Variants in LRRFIP2 observed in about 807,000 individuals in gnomAD.
LRRFIP2 encodes leucine-rich repeat flightless-interacting protein 2.
A neutral mutation model predicts 125.9 loss-of-function variants in LRRFIP2; 109 were observed. That is an observed-to-expected ratio of 0.87 (90% CI 0.74 to 1.01). The LOEUF (loss-of-function observed/expected upper bound fraction) is 1.01, where lower values mean the gene tolerates loss of function less well. Among genes scored for constraint, LRRFIP2 ranks in the 50% least tolerant of loss-of-function variants. LRRFIP2 has a pLI of 0.00. For synonymous variants in LRRFIP2, 291 were observed against 293.1 expected (o/e 0.99, Z 0.07); for missense variants, 850 against 862.3 (o/e 0.99, Z 0.18).
intron 18 of LRRFIP2, among the ~76,000 whole-genome samples, chr3:37,085,068 G>A (rs551081002): frequency 6.6e-6 from 1 of 152,258 alleles, no homozygotes; most frequent in South Asian, 2.1e-4. Context: ...AATGAAGTTG[G>A]ACTCCCACCT....
chr3:37,090,932 A>C (rs1430985562), intron 18 of LRRFIP2, among the ~76,000 whole-genome samples: 3 of 152,256 alleles, frequency 2.0e-5, no homozygotes, highest in Admixed American at 6.5e-5. Flanking sequence ...TTGGTAACAG[A>C]AATATGCAAC....
At chr3:37,120,746 T>C (rs2094993606) in intron 6 of LRRFIP2, among the ~76,000 whole-genome samples, 2 of 151,898 alleles carry the variant, frequency 1.3e-5, no homozygotes, top group South Asian at 2.1e-4. Context: ...CATACAGCAT[T>C]GTAACCAAAA....
At chr3:37,123,895 AAC>A (rs745678271) in intron 4 of LRRFIP2, among the ~76,000 whole-genome samples, 16 of 152,230 alleles carry the variant, frequency 1.1e-4, no homozygotes, top group Non-Finnish European at 1.9e-4. Context: ...TATTAATAAA[AAC>A]AATTATAAAT....
chr3:37,105,327 TATAA>T, intron 14 of LRRFIP2, 124 bp downstream of exon 14: 1 of 724,290 alleles, frequency 1.4e-6, no homozygotes, highest in Non-Finnish European at 2.4e-6. Context: ...AAAATATTTA[TATAA>T]CTAAATTTGA....
intron 25 of LRRFIP2, among the ~76,000 whole-genome samples, chr3:37,056,474 G>C (rs2086895103): frequency 6.9e-6 from 1 of 145,278 alleles, no homozygotes; most frequent in South Asian, 2.2e-4. Context: ...TTTTTTTTGA[G>C]ATGGAGTCTC....
At position 37,109,622 on chromosome 3, in the gene LRRFIP2, A is replaced by G. The variant is rs758895856; in HGVS notation, c.564+31T>C. ...CCCAAAAAAAGCAACTGGTAGCTCTAAAGGCAGAACATTCCTCAGAAAGTA... is the reference window on the plus strand; with the variant it reads ...CCCAAAAAAAGCAACTGGTAGCTCTGAAGGCAGAACATTCCTCAGAAAGTA... On this transcript the variant is annotated intron_variant, in intron 10 of 27. Coordinates refer to ENST00000336686, the MANE Select transcript of LRRFIP2 (RefSeq NM_006309.4). The G allele has an allele frequency of 6.8e-6, 11 of 1,613,918 alleles. No homozygotes were observed. In the Admixed American group the frequency reaches 1.2e-4, roughly 17 times the overall value.
chr3:37,129,306 A>G (rs1296239094), intron 2 of LRRFIP2, among the ~76,000 whole-genome samples, 157 bp from the exon 3 acceptor site: 1 of 151,984 alleles, frequency 6.6e-6, no homozygotes, highest in Admixed American at 6.6e-5. Context: ...GTTTTAATCA[A>G]CTCTTATAAA....
chr3:37,095,503 C>T (rs1345018022), intron 16 of LRRFIP2, among the ~76,000 whole-genome samples: 1 of 152,092 alleles, frequency 6.6e-6, no homozygotes, highest in African/African-American at 2.4e-5. Flanking sequence ...TGCGATTAGC[C>T]ACATGCAGCT....
intron 1 of LRRFIP2, among the ~76,000 whole-genome samples, chr3:37,166,794 G>A (rs1174250600): frequency 4.6e-5 from 7 of 151,866 alleles, no homozygotes; most frequent in African/African-American, 1.5e-4. Context: ...TGAGGTGGGC[G>A]GATCACCTGA....
chr3:37,123,202 T>G (rs2095134120), intron 4 of LRRFIP2, among the ~76,000 whole-genome samples: 1 of 151,684 alleles, frequency 6.6e-6, no homozygotes, highest in South Asian at 2.1e-4. Context: ...TTGTTGTTGT[T>G]TTTTGAGACG....
intron 17 of LRRFIP2, among the ~76,000 whole-genome samples, chr3:37,093,717 T>C (rs138559259): frequency 6.6e-6 from 1 of 152,272 alleles, no homozygotes; most frequent in African/African-American, 2.4e-5. Flanking sequence ...GTTGTCAGGG[T>C]AAAACTGAAT....
At position 37,111,618 on chromosome 3, in the gene LRRFIP2, A is replaced by T. The variant is rs564560576; in HGVS notation, c.439-553T>A. On this transcript the variant is annotated intron_variant, in intron 8 of 27. Transcript: ENST00000336686. The stretch of plus-strand genomic sequence containing the variant: ...CTAATTGAGGGAGAGAAAACCATCT[A>T]TAAAATTCCCTTCCCAACTTCTCTA... Among the ~76,000 whole-genome samples the T allele has an allele frequency of 2.6e-5, 4 of 152,340 alleles. No individual in the cohort carries two copies. In the South Asian group the frequency reaches 6.2e-4, roughly 24 times the overall value.
chr3:37,113,082 T>C, intron 7 of LRRFIP2, 102 bp from the exon 8 acceptor site: 2 of 601,742 alleles, frequency 3.3e-6, no homozygotes, highest in African/African-American at 1.8e-5. Flanking sequence ...CTATATGAGA[T>C]ACACAATAGT....
intron 8 of LRRFIP2, 83 bp from the exon 9 acceptor site, chr3:37,111,148 A>G: frequency 9.4e-7 from 1 of 1,064,312 alleles, no homozygotes; most frequent in Non-Finnish European, 1.4e-6. Flanking sequence ...CTGAACACAA[A>G]AAGGCAAAAT....
intron 24 of LRRFIP2, among the ~76,000 whole-genome samples, chr3:37,059,823 A>C (rs940347749): frequency 6.6e-6 from 1 of 151,730 alleles, no homozygotes; most frequent in Non-Finnish European, 1.5e-5. Flanking sequence ...AATTGGATAC[A>C]TAGAGATGGC....
At chr3:37,159,689 T>C (rs1246357378) in intron 1 of LRRFIP2, among the ~76,000 whole-genome samples, 1 of 151,894 alleles carries the variant, frequency 6.6e-6, no homozygotes, top group Non-Finnish European at 1.5e-5. Context: ...GTATTTTTAA[T>C]AGAGATGGGG....
At chr3:37,169,924 T>C (rs2096562442) in intron 1 of LRRFIP2, among the ~76,000 whole-genome samples, 1 of 152,252 alleles carries the variant, frequency 6.6e-6, no homozygotes, top group South Asian at 2.1e-4. Flanking sequence ...CCACTTTCTT[T>C]CACTGCTGCT....
At chr3:37,121,392 C>T (rs545049480) in intron 6 of LRRFIP2, 100 bp downstream of exon 6, 663 of 1,115,544 alleles carry the variant, frequency 5.9e-4, no homozygotes, top group Admixed American at 6.3e-4. Context: ...CTTTTAAAAA[C>T]GCAAAGAAAT....
chr3:37,096,717 G>A, intron 15 of LRRFIP2, 57 bp from the exon 16 acceptor site: 1 of 1,011,990 alleles, frequency 9.9e-7, no homozygotes, highest in Admixed American at 2.5e-5. Context: ...GACTTTTTTT[G>A]GGAGGAAAAA....
Sources: gnomAD v4.1 joint callset for allele counts (sites outside exome capture counted in the v4.1 genomes callset) on GRCh38, gnomAD v4.1.1 for gene constraint, MANE v1.5 for transcripts, NCBI Gene and HGNC (gene_info 2026-07-23, HGNC 2026-07-21) for gene names.